ITGAV: variants seen among roughly 807,000 people sequenced by gnomAD.
The protein encoded by ITGAV is integrin subunit alpha V, also known as integrin alpha-V.
Under a neutral mutation model 143.8 loss-of-function variants are expected in ITGAV, and 76 were observed. The ratio of observed to expected loss-of-function variants is 0.53; its 90% CI spans 0.44 to 0.64. The LOEUF (loss-of-function observed/expected upper bound fraction) is 0.64. Ranked by LOEUF, ITGAV falls within the 30% of genes least tolerant of loss-of-function variation. ITGAV has a pLI of 0.00. For synonymous variants in ITGAV, 453 were observed against 446.7 expected (o/e 1.01, Z -0.18); for missense variants, 1,193 against 1,274.7 (o/e 0.94, Z 0.98).
chr2:186,631,006 A>C, intron 5 of ITGAV, 148 bp downstream of exon 5: 1 of 523,708 alleles, frequency 1.9e-6, no homozygotes. Flanking sequence ...TCATTTTGAC[A>C]TTCTTTGTCT....
rs199976674 is a variant in ITGAV, at chr2:186,679,949, G to T, written c.*2657G>T. 2.6e-5 allele frequency: 4 copies of T among 152,056 alleles called. No homozygotes were observed. The highest frequency in any genetic ancestry group is 5.9e-5 in the Non-Finnish European group (4 of 67,938). 9.4% of individuals were successfully genotyped at this position (152,056 alleles called of 1,614,324 possible). On this transcript the variant is annotated 3_prime_UTR_variant, in exon 30 of 30. Coordinates refer to ENST00000261023, the MANE Select transcript of ITGAV (RefSeq NM_002210.5). Reference sequence around the variant, plus strand: ...AGAAAACTCAAGTATTAATAAAAGAGACTTTACTGGCTTAAGAGGGCTGTG... The same window carrying T: ...AGAAAACTCAAGTATTAATAAAAGATACTTTACTGGCTTAAGAGGGCTGTG...
intron 12 of ITGAV, among the ~76,000 whole-genome samples, chr2:186,646,229 G>A (rs569255744): frequency 1.3e-5 from 2 of 152,162 alleles, no homozygotes; most frequent in East Asian, 3.9e-4. Context: ...CTTCTGTTCA[G>A]AAAAAACAAT....
intron 28 of ITGAV, 52 bp downstream of exon 28, chr2:186,675,979 T>A: frequency 2.1e-6 from 2 of 965,302 alleles, no homozygotes; most frequent in Non-Finnish European, 3.2e-6. Flanking sequence ...TCAAATGCTG[T>A]ACATGTTTTT....
At chr2:186,623,338 T>C (rs893229104) in intron 3 of ITGAV, among the ~76,000 whole-genome samples, 5 of 152,228 alleles carry the variant, frequency 3.3e-5, no homozygotes, top group Non-Finnish European at 5.9e-5. Flanking sequence ...TTATTCAGAA[T>C]GGTCAACATC....
intron 6 of ITGAV, 145 bp from the exon 7 acceptor site, chr2:186,635,937 G>T: frequency 1.8e-6 from 1 of 551,746 alleles, no homozygotes; most frequent in Non-Finnish European, 3.0e-6. Context: ...TTCAAATTGA[G>T]TATGATCAAG....
chr2:186,655,409 A>G (rs1474839686), intron 16 of ITGAV, among the ~76,000 whole-genome samples: 2 of 152,130 alleles, frequency 1.3e-5, no homozygotes, highest in African/African-American at 4.8e-5. Flanking sequence ...TAAGGGAGCT[A>G]TGGGATGTGT....
intron 2 of ITGAV, among the ~76,000 whole-genome samples, chr2:186,612,573 C>T (rs1687244369): frequency 6.6e-6 from 1 of 152,072 alleles, no homozygotes; most frequent in African/African-American, 2.4e-5. Flanking sequence ...TTGGCTATGC[C>T]AGTTCTGTGG....
chr2:186,590,327 C>G lies in ITGAV; in HGVS notation c.-12C>G, dbSNP rs375234036. On this transcript the variant is annotated 5_prime_UTR_variant, in exon 1 of 30. Transcript: ENST00000261023. ...ACCGCTCCCGGCTTGGCGTCCCGCG[C>G]GCACTTCGGCGATGGCTTTTCCGCC... The G allele has an allele frequency of 2.6e-6, 4 of 1,564,784 alleles. No homozygotes were observed. In the Admixed American group the frequency reaches 5.6e-5, roughly 22 times the overall value.
rs1363578425 is a variant in ITGAV, at chr2:186,675,874, A to G, written c.2875A>G (p.Ile959Val). Reference protein sequence around the residue: ...SLKSSASFNVIEFPYKNLPIE... With the variant: ...SLKSSASFNVVEFPYKNLPIE... ...GAAGTCGTCTGCTTCATTTAATGTC[A>G]TAGAGTTTCCTTATAAGAATCTTCC... Residue 959 changes from isoleucine to valine, a missense_variant, in exon 28 of 30, where the codon ATA (isoleucine) becomes GTA (valine). By Grantham distance (29) the Ile-to-Val change is conservative. Transcript: ENST00000261023. 1.9e-6 allele frequency: 3 copies of G among 1,610,470 alleles called. No individual in the cohort carries two copies. The highest frequency in any genetic ancestry group is 1.6e-4 in the Middle Eastern group (1 of 6,076).
intron 1 of ITGAV, among the ~76,000 whole-genome samples, 162 bp from the exon 2 acceptor site, chr2:186,601,859 G>A (rs1315902866): frequency 6.6e-6 from 1 of 152,142 alleles, no homozygotes; most frequent in Non-Finnish European, 1.5e-5. Flanking sequence ...GCATGCAAGA[G>A]ACTACCAAAT....
In ITGAV at chr2:186,667,707, A is replaced by G; in HGVS notation, c.2364A>G (p.Pro788=). The G allele has an allele frequency of 1.2e-6, 2 of 1,611,104 alleles. No homozygotes were observed. The highest frequency in any genetic ancestry group is 1.7e-6 in the Non-Finnish European group (2 of 1,177,888). Residue 788 remains proline, a synonymous_variant, in exon 24 of 30, where the codon CCA becomes CCG. Transcript: ENST00000261023. ...CTGATCATGTCTTTCTTCCGATTCC[A>G]AACTGGGAGCACAAGGAGAACCCTG... is the stretch of plus-strand genomic sequence containing the variant. ...SSPDHVFLPI[P]NWEHKENPET...
chr2:186,638,307 G>T lies in ITGAV; in HGVS notation c.833G>T (p.Arg278Met). 6.2e-7 allele frequency: 1 copy of T among 1,613,776 alleles called. No homozygotes were observed. The highest frequency in any genetic ancestry group is 8.5e-7 in the Non-Finnish European group (1 of 1,179,802). The change falls in exon 9 of 30, where the codon AGG (arginine) becomes ATG (methionine). Residue 278 changes from arginine (R) to methionine (M), a missense_variant. Coordinates refer to ENST00000261023, the MANE Select transcript of ITGAV (RefSeq NM_002210.5). ...GTTTCAGGAGTTCCAAGAGCAGCAA[G>T]GACTTTGGGAATGGTAGGACAGTTA... Reference protein sequence around the residue: ...DFVSGVPRAARTLGMVYIYDG... With the variant: ...DFVSGVPRAAMTLGMVYIYDG...
At chr2:186,646,158 T>C in intron 12 of ITGAV, among the ~76,000 whole-genome samples, 1 of 152,192 alleles carries the variant, frequency 6.6e-6, no homozygotes, top group East Asian at 1.9e-4. Flanking sequence ...TTATCTTCTT[T>C]CAGTGTAAGT....
chr2:186,598,312 C>T (rs1686804029), intron 1 of ITGAV, among the ~76,000 whole-genome samples: 1 of 151,626 alleles, frequency 6.6e-6, no homozygotes, highest in Non-Finnish European at 1.5e-5. Context: ...CACACACACA[C>T]ACACACACAC....
chr2:186,590,618 C>T, intron 1 of ITGAV, 95 bp downstream of exon 1: 2 of 1,167,490 alleles, frequency 1.7e-6, no homozygotes, highest in Non-Finnish European at 2.4e-6. Context: ...CGAGAGATCC[C>T]GGCGTCTGTC....
At chr2:186,633,921 G>A (rs562499689) in intron 6 of ITGAV, among the ~76,000 whole-genome samples, 98 of 152,180 alleles carry the variant, frequency 6.4e-4, no homozygotes, top group Middle Eastern at 3.4e-3. Flanking sequence ...CCAGCTACTC[G>A]GGAGGTTGAG....
chr2:186,618,108 C>CAA (rs1687419409), intron 2 of ITGAV, among the ~76,000 whole-genome samples: 2 of 152,196 alleles, frequency 1.3e-5, no homozygotes, highest in East Asian at 3.8e-4. Flanking sequence ...TTTGCATTCT[C>CAA]TTCACCCAGT....
chr2:186,621,021 C>T (rs1250133121), intron 2 of ITGAV, among the ~76,000 whole-genome samples: 1 of 151,982 alleles, frequency 6.6e-6, no homozygotes, highest in Non-Finnish European at 1.5e-5. Flanking sequence ...GAGGTCATTT[C>T]TTTATGGTGG....
In ITGAV at chr2:186,665,149, A is replaced by T. The variant is rs752475345; in HGVS notation, c.2097A>T (p.Ala699=). 17 of 1,600,764 alleles carry T rather than the reference A, an allele frequency of 1.1e-5. No homozygotes were observed. In the East Asian group the frequency reaches 3.6e-4, roughly 34 times the overall value. The change falls in exon 21 of 30, where the codon GCA becomes GCT. Residue 699 remains alanine, a synonymous_variant. Coordinates refer to ENST00000261023, the MANE Select transcript of ITGAV (RefSeq NM_002210.5). ...NNEALARLSC[A]FKTENQTRQV... Reference sequence around the variant, plus strand: ...AGGCCTTAGCAAGACTTTCCTGTGCATTTAAGACAGAAAACCAAACTCGCC... The same window carrying T: ...AGGCCTTAGCAAGACTTTCCTGTGCTTTTAAGACAGAAAACCAAACTCGCC...
Sources: gnomAD v4.1 joint callset for allele counts (sites outside exome capture counted in the v4.1 genomes callset) on GRCh38, gnomAD v4.1.1 for gene constraint, MANE v1.5 for transcripts, NCBI Gene and HGNC (gene_info 2026-07-23, HGNC 2026-07-21) for gene names.